Variants in DLG4 observed in about 807,000 individuals in gnomAD.
DLG4 encodes disks large homolog 4.
DLG4 carries 7 observed loss-of-function variants against 93.8 expected under a neutral mutation model. That is an observed-to-expected ratio of 0.07 (90% CI 0.04 to 0.14). The LOEUF is 0.14. Ranked by LOEUF, DLG4 falls within the 10% of genes least tolerant of loss-of-function variation. The pLI, the probability that DLG4 is intolerant of heterozygous loss-of-function variation, is 1.00. For synonymous variants in DLG4, 341 were observed against 387.6 expected, an observed-to-expected ratio of 0.88 and a Z score of 1.41; for missense variants, 545 against 992.9, an observed-to-expected ratio of 0.55 and a Z score of 6.06.
rs1255714798 is a variant in DLG4, at chr17:7,189,216, GC to G, written c.*1491del. On this transcript the variant is annotated 3_prime_UTR_variant, in exon 20 of 20. Transcript: ENST00000399506. ...TCTGTAAAGATCATTTCCAGGCCAG[GC>G]GCGGTGGCTCACGCCTGTAATCCCA... Among the ~76,000 whole-genome samples, 51 of 151,988 alleles carry G rather than the reference GC, an allele frequency of 3.4e-4. 2 individuals carry two copies. In the East Asian group the frequency reaches 7.9e-3, roughly 24 times the overall value.
chr17:7,207,455 T>C (rs2070518623), intron 2 of DLG4, among the ~76,000 whole-genome samples: 1 of 151,278 alleles, frequency 6.6e-6, no homozygotes, highest in African/African-American at 2.4e-5. Flanking sequence ...GGCCCCACCA[T>C]GTGAAGTCTC....
At chr17:7,213,397 G>T (rs1451327449) in intron 1 of DLG4, among the ~76,000 whole-genome samples, 2 of 152,006 alleles carry the variant, frequency 1.3e-5, no homozygotes, top group African/African-American at 4.8e-5. Flanking sequence ...ACCGCACCCG[G>T]CACCTCCTCT....
At position 7,208,280 on chromosome 17, in the gene DLG4, G is replaced by T; in HGVS notation, c.31-41C>A. On this transcript the variant is annotated intron_variant, in intron 1 of 19. Transcript: ENST00000399506. The surrounding 1 kb of genome is among the most constrained non-coding windows in gnomAD (Gnocchi z 5.4). ...GAGGTGTCACTGGGGCCAGCCCGGT[G>T]CCTCAGGCTCCAGGCTGGCCGCCCT... 1 of 1,309,016 alleles carries T rather than the reference G, an allele frequency of 7.6e-7. No individual in the cohort carries two copies. 81.1% of individuals were successfully genotyped at this position (1,309,016 alleles called of 1,614,324 possible).
chr17:7,203,556 C>T lies in DLG4; in HGVS notation c.373G>A (p.Val125Met), dbSNP rs571720664. 1.2e-6 allele frequency: 2 copies of T among 1,613,028 alleles called. No homozygotes were observed. The highest frequency in any genetic ancestry group is 1.3e-5 in the African/African-American group (1 of 75,014). The change falls in exon 6 of 20, where the codon GTG becomes ATG. Residue 125 changes from valine (V) to methionine (M), a missense_variant. Physicochemically the swap from Val to Met is conservative, Grantham distance 21 (BLOSUM62 1). Around this residue, in one of 5 missense-constraint regions of DLG4, gnomAD observed 33 missense variants for 107.5 expected, o/e 0.31. Transcript: ENST00000399506. This position sits in a 1 kb window ranked among gnomAD's most constrained non-coding sequence, Gnocchi z 7.2. ...DSILFVNEVDVREVTHSAAVE... is the reference protein window; with the variant it reads ...DSILFVNEVDMREVTHSAAVE... ...GCCGCTGAGTGGGTCACCTCGCGCACGTCCACTTCATTTACAAACAGGATG... is the reference window on the plus strand; with the variant it reads ...GCCGCTGAGTGGGTCACCTCGCGCATGTCCACTTCATTTACAAACAGGATG...
At chr17:7,207,591 C>T (rs370955036) in intron 2 of DLG4, among the ~76,000 whole-genome samples, 216 of 152,036 alleles carry the variant, frequency 1.4e-3, no homozygotes, top group African/African-American at 4.8e-3. Context: ...TGGAACAGAG[C>T]TCTGGACACA....
chr17:7,205,158 C>T, intron 2 of DLG4: 1 of 985,508 alleles, frequency 1.0e-6, no homozygotes, highest in Non-Finnish European at 1.2e-6. Flanking sequence ...ACGCCCCTCA[C>T]CCTACGCAGT....
intron 1 of DLG4, among the ~76,000 whole-genome samples, chr17:7,215,373 T>C (rs1240838411): frequency 6.6e-6 from 1 of 152,192 alleles, no homozygotes; most frequent in Non-Finnish European, 1.5e-5. Flanking sequence ...CCAGAATAGC[T>C]GCCTGCTGGC....
chr17:7,191,280 T>G lies in DLG4; in HGVS notation c.2055A>C (p.Thr685=), dbSNP rs768218473. 1 of 1,613,964 alleles carries G rather than the reference T, an allele frequency of 6.2e-7. No individual in the cohort carries two copies. The change falls in exon 19 of 20, where the codon ACA becomes ACC. Residue 685 remains threonine, a synonymous_variant. Transcript: ENST00000399506. The surrounding 1 kb of genome is among the most constrained non-coding windows in gnomAD (Gnocchi z 6.6). ...DRATKLEQEF[T]ECFSAIVEGD... is the part of the protein sequence containing the mutation. The stretch of plus-strand genomic sequence containing the variant: ...CTGTGGCCTCACCTGAGAAGCACTC[T>G]GTGAACTCCTGCTCCAGCTTGGTGG...
In DLG4 at chr17:7,203,950, C is replaced by A; in HGVS notation, c.210+58G>T. On this transcript the variant is annotated intron_variant, in intron 4 of 19. Transcript: ENST00000399506. This position sits in a 1 kb window ranked among gnomAD's most constrained non-coding sequence, Gnocchi z 7.2. ...GGGGCTAGCCACCCAGACCACATGG[C>A]AGAAAGAAAGGTACAGACGGGAGGC... is the stretch of plus-strand genomic sequence containing the variant. 1 of 1,595,898 alleles carries A rather than the reference C, an allele frequency of 6.3e-7. No homozygotes were observed. The highest frequency in any genetic ancestry group is 1.3e-5 in the African/African-American group (1 of 74,550).
Position 7,191,134 on chromosome 17 carries a change from A to T in DLG4, c.2068+133T>A. ...ACAGGTGCCCGCCAGTGCTGGGATTACAGGCGTGAGCCACCATGCCGCGCC... is the reference window on the plus strand; with the variant it reads ...ACAGGTGCCCGCCAGTGCTGGGATTTCAGGCGTGAGCCACCATGCCGCGCC... On this transcript the variant is annotated intron_variant, in intron 19 of 19. Coordinates refer to ENST00000399506, the MANE Select transcript of DLG4 (RefSeq NM_001321075.3). This position sits in a 1 kb window ranked among gnomAD's most constrained non-coding sequence, Gnocchi z 6.6. The T allele has an allele frequency of 1.3e-6, 1 of 779,254 alleles. No homozygotes were observed. Among genetic ancestry groups the T allele is most frequent in the Non-Finnish European group, 2.1e-6 (1 of 472,030 alleles). 48.3% of individuals were successfully genotyped at this position (779,254 alleles called of 1,614,324 possible).
At chr17:7,212,931 G>T (rs965929786) in intron 1 of DLG4, among the ~76,000 whole-genome samples, 1 of 152,148 alleles carries the variant, frequency 6.6e-6, no homozygotes, top group Admixed American at 6.5e-5. Context: ...TACTAGGGAG[G>T]CTGAGGCAGG....
At chr17:7,219,637 G>T, upstream of DLG4, 1 of 1,239,594 alleles carries the variant, frequency 8.1e-7, no homozygotes, top group Non-Finnish European at 1.0e-6. Flanking sequence ...CACCGGAGAA[G>T]CCCTCCCTTC....
Position 7,203,412 on chromosome 17 carries a change from A to G in DLG4, c.505+12T>C. ...CAGTTGGGATGGGGGTGGGAACAAA[A>G]TGAGTTACTACCTTTAGGCCCCTTG... On this transcript the variant is annotated intron_variant, in intron 6 of 19. Transcript: ENST00000399506. The surrounding 1 kb of genome is among the most constrained non-coding windows in gnomAD (Gnocchi z 7.2). 4.4e-6 allele frequency: 7 copies of G among 1,597,974 alleles called. No individual in the cohort carries two copies. The highest frequency in any genetic ancestry group is 2.3e-5 in the East Asian group (1 of 44,318).
At chr17:7,214,200 C>A (rs1219861314) in intron 1 of DLG4, among the ~76,000 whole-genome samples, 1 of 152,148 alleles carries the variant, frequency 6.6e-6, no homozygotes, top group Non-Finnish European at 1.5e-5. Context: ...GACTTCCCAA[C>A]CCCCGGATTC....
intron 1 of DLG4, chr17:7,213,968 G>A (rs2142926495): frequency 2.4e-6 from 1 of 420,124 alleles, no homozygotes; most frequent in Admixed American, 2.7e-5. Context: ...AAAACCTGCA[G>A]GCCCTGCTTA....
In DLG4 at chr17:7,194,846, C is replaced by G. The variant is rs1387911009; in HGVS notation, c.1302-351G>C. Among the ~76,000 whole-genome samples, 1 of 151,826 alleles carries G rather than the reference C, an allele frequency of 6.6e-6. No individual in the cohort carries two copies. Among genetic ancestry groups the G allele is most frequent in the African/African-American group, 2.4e-5 (1 of 41,318 alleles). On this transcript the variant is annotated intron_variant, in intron 11 of 19. Transcript: ENST00000399506. This position sits in a 1 kb window ranked among gnomAD's most constrained non-coding sequence, Gnocchi z 4.4. ...GGAGATTGAGACCATGGTGAAACCCCGTCTCTACTAAAAATACAAAATATT... is the reference window on the plus strand; with the variant it reads ...GGAGATTGAGACCATGGTGAAACCCGGTCTCTACTAAAAATACAAAATATT...
upstream of DLG4, chr17:7,218,383 T>G: frequency 1.4e-6 from 2 of 1,443,636 alleles, no homozygotes; most frequent in Non-Finnish European, 1.9e-6. Context: ...GGAGGAGCCC[T>G]TTCAGCCAAG....
At position 7,203,164 on chromosome 17, in the gene DLG4, C is replaced by A; in HGVS notation, c.642+29G>T. The A allele has an allele frequency of 6.4e-7, 1 of 1,574,226 alleles. No homozygotes were observed. Among genetic ancestry groups the A allele is most frequent in the Non-Finnish European group, 8.7e-7 (1 of 1,152,108 alleles). On this transcript the variant is annotated intron_variant, in intron 7 of 19. Coordinates refer to ENST00000399506, the MANE Select transcript of DLG4 (RefSeq NM_001321075.3). This position sits in a 1 kb window ranked among gnomAD's most constrained non-coding sequence, Gnocchi z 7.2. ...CTAGTAGGTGAGACCCAAATCTGGG[C>A]TAGAAAATGGGCTAGATGGAGTCCT... is the stretch of plus-strand genomic sequence containing the variant.
upstream of DLG4, chr17:7,217,655 G>A (rs1168710406): frequency 8.9e-7 from 1 of 1,120,982 alleles, no homozygotes; most frequent in Non-Finnish European, 1.2e-6. Flanking sequence ...AGGGAGGGAG[G>A]GAGCTAGGAG....
Sources: gnomAD v4.1 joint callset for allele counts (sites outside exome capture counted in the v4.1 genomes callset) on GRCh38, gnomAD v4.1.1 for gene constraint, gnomAD v4.1.1 regional missense constraint, Gnocchi (gnomAD v3.1) non-coding constraint, MANE v1.5 for transcripts, NCBI Gene and HGNC (gene_info 2026-07-23, HGNC 2026-07-21) for gene names.